Variants in RTL4 observed in about 807,000 individuals in gnomAD.
RTL4 encodes the protein retrotransposon Gag like 4, also known as retrotransposon Gag-like protein 4.
RTL4 carries 4 observed loss-of-function variants against 5.3 expected under a neutral mutation model. That is an observed-to-expected ratio of 0.75 (90% CI 0.37 to 1.72). The LOEUF (loss-of-function observed/expected upper bound fraction) is 1.72. Among genes scored for constraint, RTL4 ranks in the 40% most tolerant of loss-of-function variants. The pLI is 0.04. For missense variants in RTL4, 260 were observed against 227.1 expected, an observed-to-expected ratio of 1.14 and a Z score of -0.93; for synonymous variants, 98 against 87.3, an observed-to-expected ratio of 1.12 and a Z score of -0.68.
the RTL4 span, among the ~76,000 whole-genome samples, chrX:112,101,848 G>T: frequency 9.1e-6 from 1 of 110,472 alleles, no homozygotes; most frequent in Admixed American, 9.7e-5. Flanking sequence ...AGAGACATAA[G>T]GAAGAAGCCC....
chrX:112,295,250 C>T, the RTL4 span, among the ~76,000 whole-genome samples: 937 of 110,812 alleles, frequency 8.5e-3, 8 homozygotes, highest in African/African-American at 0.028. Flanking sequence ...TTTTTATCTC[C>T]CTTCTCATAG....
At chrX:112,140,544 G>A in the RTL4 span, among the ~76,000 whole-genome samples, 4 of 111,431 alleles carry the variant, frequency 3.6e-5, no homozygotes, top group Non-Finnish European at 7.5e-5. Flanking sequence ...TGTCTGGTTA[G>A]GGCTTGCTCT....
chrX:112,197,218 C>T, the RTL4 span, among the ~76,000 whole-genome samples: 27 of 107,865 alleles, frequency 2.5e-4, no homozygotes, highest in Middle Eastern at 9.9e-3. Flanking sequence ...AAAAAAAAAG[C>T]TCAATATCAC....
At chrX:112,454,604 G>A (rs1926798892) in exon 1 of RTL4, 6 of 642,585 alleles carry the variant, frequency 9.3e-6, no homozygotes, top group Non-Finnish European at 1.4e-5. Context: ...CTTCTTCACA[G>A]CTAACAGCTT....
chrX:112,361,374 T>G, the RTL4 span, among the ~76,000 whole-genome samples: 1 of 111,587 alleles, frequency 9.0e-6, no homozygotes, highest in Non-Finnish European at 1.9e-5. Context: ...CCATGGTTCT[T>G]ACTCCCACTG....
At chrX:112,338,091 C>A in the RTL4 span, among the ~76,000 whole-genome samples, 4 of 111,522 alleles carry the variant, frequency 3.6e-5, no homozygotes, top group African/African-American at 1.3e-4. Context: ...CAAGATTTAC[C>A]AATTTACAGT....
the RTL4 span, among the ~76,000 whole-genome samples, chrX:112,094,551 C>T: frequency 9.1e-6 from 1 of 110,371 alleles, no homozygotes; most frequent in African/African-American, 3.3e-5. Context: ...ATTATATCAC[C>T]TAGGGAGAGA....
chrX:112,370,074 G>C, the RTL4 span, among the ~76,000 whole-genome samples: 1 of 111,848 alleles, frequency 8.9e-6, no homozygotes. Context: ...TAAGTCAACT[G>C]GTTATGTAAA....
chrX:112,150,929 C>T, the RTL4 span, among the ~76,000 whole-genome samples: 1 of 112,207 alleles, frequency 8.9e-6, no homozygotes, highest in African/African-American at 3.2e-5. Context: ...TTTGTTTCTG[C>T]TCTTCTTGTC....
At chrX:112,342,244 C>A in the RTL4 span, among the ~76,000 whole-genome samples, 1 of 111,387 alleles carries the variant, frequency 9.0e-6, no homozygotes, top group African/African-American at 3.3e-5. Flanking sequence ...AAAATATCAT[C>A]TAACTCGGCC....
the RTL4 span, among the ~76,000 whole-genome samples, chrX:112,199,268 G>A: frequency 4.0e-5 from 4 of 98,875 alleles, no homozygotes; most frequent in Non-Finnish European, 8.1e-5. Context: ...CAGCCTGGGC[G>A]ACGGAGCGAG....
the RTL4 span, among the ~76,000 whole-genome samples, chrX:112,353,222 T>A: frequency 8.9e-6 from 1 of 111,812 alleles, no homozygotes; most frequent in Non-Finnish European, 1.9e-5. Context: ...GGAACGCTTT[T>A]ACACTGTTGG....
At chrX:112,279,037 C>A in the RTL4 span, among the ~76,000 whole-genome samples, 1 of 108,789 alleles carries the variant, frequency 9.2e-6, no homozygotes, top group Non-Finnish European at 1.9e-5. Context: ...AGAGCAAAGA[C>A]AAAAGATGGA....
At chrX:112,446,676 C>T in the RTL4 span, among the ~76,000 whole-genome samples, 3 of 111,770 alleles carry the variant, frequency 2.7e-5, no homozygotes, top group African/African-American at 9.7e-5. Context: ...GGCAAAACTC[C>T]ATCTCTACTA....
chrX:112,094,659 C>A, the RTL4 span, among the ~76,000 whole-genome samples: 1 of 111,029 alleles, frequency 9.0e-6, no homozygotes, highest in East Asian at 2.9e-4. Context: ...CTGAAAATAC[C>A]AGGGAGAAAG....
rs1238478471 is a variant in RTL4 at position 112,456,545 on chromosome X, TG to T, written c.*888del. ...TTTCTGAAAGGTATTTAGTGAGAGT[TG>T]GGGATGGTGTGTCATAATTACTGTA... On this transcript the variant is annotated 3_prime_UTR_variant, in exon 1 of 1. Coordinates refer to ENST00000340433, the Ensembl canonical transcript of RTL4. The T allele has an allele frequency of 1.0e-5, 3 of 295,876 alleles. No homozygotes were observed. The Admixed American group carries it at 1.9e-4, about 19-fold the overall frequency. 24.4% of individuals were successfully genotyped at this position (295,876 alleles called of 1,213,427 possible).
At chrX:112,217,591 T>A in the RTL4 span, among the ~76,000 whole-genome samples, 1 of 111,826 alleles carries the variant, frequency 8.9e-6, no homozygotes, top group Non-Finnish European at 1.9e-5. Flanking sequence ...TAACAGGAGA[T>A]CACATGAGAT....
the RTL4 span, among the ~76,000 whole-genome samples, chrX:112,328,007 T>C: frequency 0.19 from 19,601 of 104,254 alleles, 1,761 homozygotes; most frequent in Admixed American, 0.28. Flanking sequence ...CTGAAGGAAG[T>C]GCTAAACATG....
the RTL4 span, among the ~76,000 whole-genome samples, chrX:112,343,447 A>G: frequency 8.9e-6 from 1 of 112,019 alleles, no homozygotes; most frequent in Non-Finnish European, 1.9e-5. Context: ...GGTGTCTTCT[A>G]TAGTATGTTC....
Sources: allele counts gnomAD v4.1 joint callset (sites outside exome capture counted in the v4.1 genomes callset), GRCh38; gene constraint gnomAD v4.1.1; transcripts MANE v1.5; gene names NCBI Gene and HGNC (gene_info 2026-07-23, HGNC 2026-07-21).